KIAA0825: variants seen among roughly 807,000 people sequenced by gnomAD.
KIAA0825 encodes uncharacterized protein KIAA0825.
Under a neutral mutation model 147.6 loss-of-function variants are expected in KIAA0825, and 119 were observed. That is an observed-to-expected ratio of 0.81 (90% CI 0.69 to 0.94). KIAA0825 has a LOEUF of 0.94. Ranked by LOEUF, KIAA0825 falls within the 40% of genes least tolerant of loss-of-function variation. The pLI is 0.00. For synonymous variants in KIAA0825, 470 were observed against 518.1 expected, an observed-to-expected ratio of 0.91 and a Z score of 1.26; for missense variants, 1,381 against 1,472.7, an observed-to-expected ratio of 0.94 and a Z score of 1.02.
At chr5:94,432,346 T>C (rs1454733235) in intron 14 of KIAA0825, among the ~76,000 whole-genome samples, 1 of 152,178 alleles carries the variant, frequency 6.6e-6, no homozygotes, top group Non-Finnish European at 1.5e-5. Flanking sequence ...GTAATATGTT[T>C]GCACTTAAAG....
At chr5:94,519,561 T>C in intron 5 of KIAA0825, 5 of 591,356 alleles carry the variant, frequency 8.5e-6, no homozygotes, top group Non-Finnish European at 1.1e-5. Context: ...TTTATTTGTA[T>C]ACATCCTTAT....
intron 20 of KIAA0825, among the ~76,000 whole-genome samples, chr5:94,263,845 A>G (rs1776616811): frequency 6.6e-6 from 1 of 152,152 alleles, no homozygotes. Context: ...CCTCCGGACC[A>G]TCCTCAGATC....
intron 20 of KIAA0825, among the ~76,000 whole-genome samples, chr5:94,198,023 T>G (rs1360533522): frequency 2.0e-5 from 3 of 152,232 alleles, no homozygotes; most frequent in Non-Finnish European, 4.4e-5. Context: ...CATTGGTAGT[T>G]TGACAGAACA....
chr5:94,409,974 AT>A (rs1752539954), intron 15 of KIAA0825, among the ~76,000 whole-genome samples: 1 of 152,220 alleles, frequency 6.6e-6, no homozygotes, highest in Non-Finnish European at 1.5e-5. Context: ...GGAAAGAAAT[AT>A]GATCCATAAT....
chr5:94,415,187 C>A (rs1753286233), intron 15 of KIAA0825: 1 of 152,102 alleles, frequency 6.6e-6, no homozygotes, highest in South Asian at 2.1e-4. Context: ...AATGATAAGA[C>A]TGTGATGTTT....
intron 5 of KIAA0825, 79 bp downstream of exon 5, chr5:94,520,169 C>T (rs1767891800): frequency 1.4e-6 from 2 of 1,382,380 alleles, no homozygotes; most frequent in East Asian, 2.5e-5. Flanking sequence ...GAGATTTAAC[C>T]AAATAGAAAA....
intron 2 of KIAA0825, among the ~76,000 whole-genome samples, chr5:94,565,094 C>CTTTTTTTTTTTTTTTTTTTTTTTTTTTT (rs1285299381): frequency 1.9e-5 from 1 of 51,908 alleles, no homozygotes; most frequent in African/African-American, 9.4e-5. Context: ...TTCTTGCTTT[C>CTTTTTTTTTTTTTTTTTTTTTTTTTTTT]CTTTTTTTTT....
At chr5:94,378,166 C>T (rs998747583) in intron 20 of KIAA0825, among the ~76,000 whole-genome samples, 2 of 152,108 alleles carry the variant, frequency 1.3e-5, no homozygotes, top group African/African-American at 2.4e-5. Flanking sequence ...AGATAAATTG[C>T]GTGTCACAGG....
At chr5:94,276,461 T>C (rs1056601069) in intron 20 of KIAA0825, among the ~76,000 whole-genome samples, 2 of 152,044 alleles carry the variant, frequency 1.3e-5, no homozygotes, top group Admixed American at 6.6e-5. Context: ...AGACCATTCA[T>C]TACAAGAAGC....
chr5:94,360,589 C>T (rs1049615255), intron 20 of KIAA0825, among the ~76,000 whole-genome samples: 2 of 152,222 alleles, frequency 1.3e-5, no homozygotes, highest in Non-Finnish European at 2.9e-5. Flanking sequence ...ATCCTCACTG[C>T]TCATGCATTA....
chr5:94,205,299 A>ATATATATATATATATATATATATT (rs1254935243), intron 20 of KIAA0825, among the ~76,000 whole-genome samples: 3 of 137,910 alleles, frequency 2.2e-5, no homozygotes, highest in African/African-American at 5.5e-5. Context: ...ATATATATAT[A>ATATATATATATATATATATATATT]TTTTGTTTTG....
In KIAA0825 at chr5:94,151,140, G is replaced by A. The variant is rs915068813; in HGVS notation, c.*2867C>T. On this transcript the variant is annotated 3_prime_UTR_variant, in exon 21 of 21. Transcript: ENST00000682413. ...TTATTATACTTAAAAAAACATGGCC[G>A]GGCGCGGTGGCTCACGCCTGTAATC... is the stretch of plus-strand genomic sequence containing the variant. 5.9e-5 allele frequency among the ~76,000 whole-genome samples: 9 copies of A among 151,976 alleles called. No homozygotes were observed. The highest frequency in any genetic ancestry group is 8.8e-5 in the Non-Finnish European group (6 of 67,984).
chr5:94,237,416 C>CA (rs1254430443), intron 20 of KIAA0825, among the ~76,000 whole-genome samples: 1 of 152,140 alleles, frequency 6.6e-6, no homozygotes, highest in Non-Finnish European at 1.5e-5. Context: ...GGAACAACTA[C>CA]AAAGGCTGCA....
intron 20 of KIAA0825, among the ~76,000 whole-genome samples, chr5:94,330,437 T>A (rs796208412): frequency 5.9e-5 from 9 of 152,240 alleles, no homozygotes; most frequent in African/African-American, 2.2e-4. Context: ...ATTGTCACAA[T>A]GTACTCAAAT....
At chr5:94,557,454 T>C (rs1776753907) in intron 2 of KIAA0825, among the ~76,000 whole-genome samples, 1 of 150,930 alleles carries the variant, frequency 6.6e-6, no homozygotes, top group Non-Finnish European at 1.5e-5. Flanking sequence ...AGATATACAA[T>C]GAGGGTCCAT....
chr5:94,441,919 T>C (rs538347733), intron 13 of KIAA0825, among the ~76,000 whole-genome samples: 2 of 152,316 alleles, frequency 1.3e-5, no homozygotes, highest in Admixed American at 6.5e-5. Flanking sequence ...TTTCTCTTCA[T>C]AGTGGCAAGT....
At chr5:94,603,804 G>A (rs6876291) in intron 1 of KIAA0825, among the ~76,000 whole-genome samples, 1 of 152,034 alleles carries the variant, frequency 6.6e-6, no homozygotes, top group Non-Finnish European at 1.5e-5. Flanking sequence ...GACTTCAAAC[G>A]AACAAAGATT....
intron 20 of KIAA0825, among the ~76,000 whole-genome samples, chr5:94,193,693 T>C (rs1770878602): frequency 6.6e-6 from 1 of 152,214 alleles, no homozygotes; most frequent in South Asian, 2.1e-4. Flanking sequence ...ACTGTTATCA[T>C]TCTCATTCTT....
intron 20 of KIAA0825, among the ~76,000 whole-genome samples, chr5:94,301,255 A>T (rs899132282): frequency 6.6e-6 from 1 of 152,084 alleles, no homozygotes; most frequent in East Asian, 1.9e-4. Flanking sequence ...ACTTAATTTT[A>T]TCCCCATTAC....
Sources: gnomAD v4.1 joint callset for allele counts (sites outside exome capture counted in the v4.1 genomes callset) on GRCh38, gnomAD v4.1.1 for gene constraint, MANE v1.5 for transcripts, NCBI Gene and HGNC (gene_info 2026-07-23, HGNC 2026-07-21) for gene names.